ARHGAP15: variants seen among roughly 807,000 people sequenced by gnomAD.
ARHGAP15 encodes Rho GTPase activating protein 15.
ARHGAP15 carries 51 observed loss-of-function variants against 63.7 expected under a neutral mutation model. The observed-to-expected ratio is 0.80, with a 90% CI of 0.64 to 1.01. The LOEUF (loss-of-function observed/expected upper bound fraction) is 1.01, where lower values mean the gene tolerates loss of function less well. Among genes scored for constraint, ARHGAP15 ranks in the 50% least tolerant of loss-of-function variants. The pLI is 0.00. For synonymous variants in ARHGAP15, 191 were observed against 193.8 expected (o/e 0.99, Z 0.12); for missense variants, 560 against 564.6 (o/e 0.99, Z 0.08).
At position 143,487,443 on chromosome 2, in the gene ARHGAP15, T is replaced by G. The variant is rs1692377170; in HGVS notation, c.774T>G (p.Phe258Leu). 1.9e-6 allele frequency: 3 copies of G among 1,613,768 alleles called. No individual in the cohort carries two copies. The highest frequency in any genetic ancestry group is 2.5e-6 in the Non-Finnish European group (3 of 1,179,906). ...GAGTTAAAAGCAGATTAAAGAAGTT[T>G]ATTACCCGAAGACCTTCCCTGAAAA... ...KNRVKSRLKK[F>L]ITRRPSLKTL... The change falls in exon 9 of 14, where the codon TTT becomes TTG. Residue 258 changes from phenylalanine (F) to leucine (L), a missense_variant. By Grantham distance (22) the Phe-to-Leu change is conservative. Coordinates refer to ENST00000295095, the MANE Select transcript of ARHGAP15 (RefSeq NM_018460.4).
chr2:143,269,848 G>A (rs755694852), intron 6 of ARHGAP15, among the ~76,000 whole-genome samples: 51 of 152,000 alleles, frequency 3.4e-4, no homozygotes, highest in Non-Finnish European at 5.9e-4. Context: ...ATTGATAAGT[G>A]TACACATCCC....
At chr2:143,470,129 A>G (rs1009210274) in intron 8 of ARHGAP15, among the ~76,000 whole-genome samples, 3 of 149,810 alleles carry the variant, frequency 2.0e-5, no homozygotes, top group African/African-American at 7.4e-5. Context: ...ATTTCAGTAT[A>G]TCCATGGATG....
chr2:143,546,802 C>T (rs543125248), intron 10 of ARHGAP15, among the ~76,000 whole-genome samples: 61 of 152,108 alleles, frequency 4.0e-4, no homozygotes, highest in African/African-American at 1.4e-3. Flanking sequence ...TGAGATAAAC[C>T]AAATATAACC....
chr2:143,181,438 G>A (rs1691231516), intron 2 of ARHGAP15, among the ~76,000 whole-genome samples: 2 of 152,118 alleles, frequency 1.3e-5, no homozygotes, highest in South Asian at 4.1e-4. Flanking sequence ...TCATATAAAG[G>A]TATTTCATCT....
At chr2:143,515,584 C>T (rs1693779604) in intron 9 of ARHGAP15, among the ~76,000 whole-genome samples, 2 of 152,192 alleles carry the variant, frequency 1.3e-5, no homozygotes, top group African/African-American at 4.8e-5. Context: ...ATATCCCTTT[C>T]CTTTCTTCAG....
intron 5 of ARHGAP15, among the ~76,000 whole-genome samples, chr2:143,238,736 A>G (rs1402731195): frequency 6.6e-6 from 1 of 152,180 alleles, no homozygotes; most frequent in Non-Finnish European, 1.5e-5. Context: ...ATAAAGACAC[A>G]TGCACGTGTA....
chr2:143,513,151 G>A (rs1046668547), intron 9 of ARHGAP15, among the ~76,000 whole-genome samples: 3 of 152,270 alleles, frequency 2.0e-5, no homozygotes, highest in South Asian at 2.1e-4. Flanking sequence ...GCTGGTAACT[G>A]GGGAAAGCAA....
At chr2:143,604,861 C>A (rs1005274275) in intron 11 of ARHGAP15, among the ~76,000 whole-genome samples, 1 of 152,008 alleles carries the variant, frequency 6.6e-6, no homozygotes. Flanking sequence ...AATGATAATA[C>A]CGTGCATAGC....
intron 6 of ARHGAP15, among the ~76,000 whole-genome samples, chr2:143,298,376 A>T (rs1450940995): frequency 6.6e-6 from 1 of 151,968 alleles, no homozygotes; most frequent in African/African-American, 2.4e-5. Context: ...ACACCATGGT[A>T]TTGACAGCAC....
chr2:143,674,557 C>A (rs780419391), intron 12 of ARHGAP15, among the ~76,000 whole-genome samples: 5 of 152,072 alleles, frequency 3.3e-5, no homozygotes, highest in Non-Finnish European at 5.9e-5. Flanking sequence ...TATGTGAGGG[C>A]CTACATTTAT....
At chr2:143,502,166 T>C (rs925529382) in intron 9 of ARHGAP15, among the ~76,000 whole-genome samples, 1 of 152,108 alleles carries the variant, frequency 6.6e-6, no homozygotes, top group African/African-American at 2.4e-5. Context: ...CCCAGCATTT[T>C]GGGAGGCTGA....
At chr2:143,270,172 C>T (rs1296980238) in intron 6 of ARHGAP15, among the ~76,000 whole-genome samples, 8 of 151,974 alleles carry the variant, frequency 5.3e-5, no homozygotes, top group Admixed American at 4.6e-4. Context: ...GGGTTTGCCA[C>T]GTTGGCCAGG....
intron 5 of ARHGAP15, chr2:143,238,220 C>G (rs1217760923): frequency 6.6e-6 from 1 of 152,096 alleles, no homozygotes; most frequent in African/African-American, 2.4e-5. Context: ...TAAAGAGCTT[C>G]CGCACAGCAA....
chr2:143,503,859 C>G (rs1413823601), intron 9 of ARHGAP15, among the ~76,000 whole-genome samples: 1 of 152,104 alleles, frequency 6.6e-6, no homozygotes, highest in East Asian at 1.9e-4. Flanking sequence ...CCACTGTATT[C>G]TGAGAGGATA....
intron 6 of ARHGAP15, among the ~76,000 whole-genome samples, chr2:143,366,585 T>C (rs1427431165): frequency 6.6e-6 from 1 of 152,122 alleles, no homozygotes; most frequent in Non-Finnish European, 1.5e-5. Flanking sequence ...CATTTTGGTA[T>C]CGACTTTTTG....
chr2:143,155,706 T>TA, intron 2 of ARHGAP15, 51 bp downstream of exon 2: 2 of 1,481,480 alleles, frequency 1.3e-6, no homozygotes, highest in Non-Finnish European at 1.8e-6. Flanking sequence ...CAGAATTTTG[T>TA]AAAAGGAAAA....
rs998843703 is a variant in ARHGAP15, at chr2:143,552,140, A to G, written c.926-4268A>G. ...GGCCTCCTAGGAATTAGGAAGTGCC[A>G]TAAATCTCAGGAGAGGGACTGTTTG... is the stretch of plus-strand genomic sequence containing the variant. On this transcript the variant is annotated intron_variant, in intron 10 of 13. Coordinates refer to ENST00000295095, the MANE Select transcript of ARHGAP15 (RefSeq NM_018460.4). Among the ~76,000 whole-genome samples the G allele has an allele frequency of 2.0e-5, 3 of 152,240 alleles. 1 individual carries two copies. Among genetic ancestry groups the G allele is most frequent in the Admixed American group, 1.3e-4 (2 of 15,280 alleles).
intron 6 of ARHGAP15, among the ~76,000 whole-genome samples, chr2:143,310,668 G>C (rs532061870): frequency 6.6e-6 from 1 of 151,950 alleles, no homozygotes; most frequent in Non-Finnish European, 1.5e-5. Flanking sequence ...TATATAAAAA[G>C]TGTAGCTGCC....
rs369311840 is a variant in ARHGAP15 at position 143,256,473 on chromosome 2, CAATT to C, written c.474+5881_474+5884del. Among the ~76,000 whole-genome samples, 549 of 151,982 alleles carry C rather than the reference CAATT, an allele frequency of 3.6e-3. 4 individuals are homozygous for C. The highest frequency in any genetic ancestry group is 0.012 in the African/African-American group (501 of 41,438). ...TTCTTAGTGGCATTAATGTAATATCCAATTAATTAATCAATGACATATTCAAATT... is the reference window on the plus strand; with the variant it reads ...TTCTTAGTGGCATTAATGTAATATCCAATTAATCAATGACATATTCAAATT... On this transcript the variant is annotated intron_variant, in intron 6 of 13. Transcript: ENST00000295095.
Sources: allele counts gnomAD v4.1 joint callset (sites outside exome capture counted in the v4.1 genomes callset), GRCh38; gene constraint gnomAD v4.1.1; transcripts MANE v1.5; gene names NCBI Gene and HGNC (gene_info 2026-07-23, HGNC 2026-07-21).